S100Z: variants seen among roughly 807,000 people sequenced by gnomAD.
The protein encoded by S100Z is S100 calcium binding protein Z.
Under a neutral mutation model 8.5 loss-of-function variants are expected in S100Z, and 11 were observed. The ratio of observed to expected loss-of-function variants is 1.30; its 90% confidence interval spans 0.82 to 2.15. S100Z has a LOEUF of 2.15. Ranked by LOEUF, S100Z falls within the 30% of genes most tolerant of loss-of-function variation. The pLI is 0.00. For synonymous variants in S100Z, 34 were observed against 43.8 expected, an observed-to-expected ratio of 0.78 and a Z score of 0.89; for missense variants, 126 against 117.9, an observed-to-expected ratio of 1.07 and a Z score of -0.32.
chr5:76,897,172 G>T (rs1744065249), intron 4 of S100Z, among the ~76,000 whole-genome samples: 1 of 152,072 alleles, frequency 6.6e-6, no homozygotes, highest in Admixed American at 6.6e-5. Context: ...TTTAGGATTG[G>T]CCGGGTGCGG....
At chr5:76,939,649 A>C in the S100Z span, among the ~76,000 whole-genome samples, 33 of 150,936 alleles carry the variant, frequency 2.2e-4, no homozygotes, top group Non-Finnish European at 5.9e-5. Flanking sequence ...AGTAGCTGGG[A>C]TTACAGGCAC....
intron 4 of S100Z, among the ~76,000 whole-genome samples, chr5:76,900,575 T>A (rs1335324027): frequency 1.3e-5 from 2 of 152,194 alleles, no homozygotes; most frequent in Non-Finnish European, 2.9e-5. Flanking sequence ...TTCTGCTTGG[T>A]TCTTTTTATT....
At chr5:76,870,983 T>C (rs1363944932) in intron 2 of S100Z, among the ~76,000 whole-genome samples, 1 of 152,040 alleles carries the variant, frequency 6.6e-6, no homozygotes, top group African/African-American at 2.4e-5. Context: ...AATAAAATCC[T>C]AAGCTCCTCA....
At chr5:76,888,334 C>CTTT (rs796243926) in intron 4 of S100Z, among the ~76,000 whole-genome samples, 1 of 44,522 alleles carries the variant, frequency 2.2e-5, no homozygotes, top group Non-Finnish European at 5.0e-5. Flanking sequence ...GGGAAGTTTT[C>CTTT]TTTTTTTTTT....
intron 2 of S100Z, among the ~76,000 whole-genome samples, chr5:76,871,543 G>C (rs1201191913): frequency 4.0e-5 from 4 of 100,592 alleles, no homozygotes; most frequent in Non-Finnish European, 7.7e-5. Context: ...TTTTTTTTTA[G>C]ACAGAGTGTC....
chr5:76,941,814 G>A, the S100Z span, among the ~76,000 whole-genome samples: 1 of 152,056 alleles, frequency 6.6e-6, no homozygotes, highest in South Asian at 2.1e-4. Flanking sequence ...CTTGATGGCA[G>A]GGAATCCAGA....
At chr5:76,950,714 C>T in the S100Z span, among the ~76,000 whole-genome samples, 162 of 152,168 alleles carry the variant, frequency 1.1e-3, no homozygotes, top group African/African-American at 3.7e-3. Context: ...CTTGGGGACT[C>T]TGAGTTTTCC....
At chr5:76,869,613 A>G (rs963607789) in intron 1 of S100Z, among the ~76,000 whole-genome samples, 6 of 152,162 alleles carry the variant, frequency 3.9e-5, no homozygotes, top group African/African-American at 1.4e-4. Flanking sequence ...ATGGAGGGGC[A>G]TGGTAGAAAG....
chr5:76,926,131 T>C (rs1049604569), downstream of S100Z, among the ~76,000 whole-genome samples: 1 of 151,988 alleles, frequency 6.6e-6, no homozygotes, highest in Non-Finnish European at 1.5e-5. Context: ...TACAGGATAG[T>C]GGAGAAGCTT....
chr5:76,923,708 C>T (rs1157826616), downstream of S100Z, among the ~76,000 whole-genome samples: 1 of 152,198 alleles, frequency 6.6e-6, no homozygotes, highest in African/African-American at 2.4e-5. Context: ...CCATCATGGG[C>T]AAACCGTTTT....
intron 1 of S100Z, among the ~76,000 whole-genome samples, chr5:76,862,361 C>T (rs1751083561): frequency 6.6e-6 from 1 of 152,112 alleles, no homozygotes; most frequent in Non-Finnish European, 1.5e-5. Flanking sequence ...GCATACAGGC[C>T]ACATCCTCAC....
chr5:76,907,028 A>G (rs955152044), intron 4 of S100Z, among the ~76,000 whole-genome samples: 1 of 136,300 alleles, frequency 7.3e-6, no homozygotes, highest in South Asian at 2.5e-4. Context: ...ATATATACAT[A>G]TATATATACC....
intron 4 of S100Z, among the ~76,000 whole-genome samples, chr5:76,878,545 G>A (rs1411251523): frequency 6.6e-6 from 1 of 152,220 alleles, no homozygotes; most frequent in Non-Finnish European, 1.5e-5. Context: ...CCAACCCTGA[G>A]TTTTCTGCAT....
chr5:76,850,180 T>C (rs1360039927), intron 1 of S100Z, 25 bp downstream of exon 1: 1 of 152,198 alleles, frequency 6.6e-6, no homozygotes, highest in Non-Finnish European at 1.5e-5. Flanking sequence ...TTGTGGAAGA[T>C]TCTTGCTTTT....
At chr5:76,919,907 A>AT (rs1184233230) in intron 4 of S100Z, among the ~76,000 whole-genome samples, 5,182 of 122,200 alleles carry the variant, frequency 0.042, 224 homozygotes, top group East Asian at 0.11. Flanking sequence ...CCCAGCTTTC[A>AT]TTTTTTTTTT....
Position 76,880,514 on chromosome 5 carries a change from G to A in S100Z, c.*2+2680G>A, listed in dbSNP as rs570919872. On this transcript the variant is annotated intron_variant, in intron 4 of 4. Transcript: ENST00000317593. ...TGAGATTAAGCTGAAGGAAGATTTT[G>A]TGGTAAGGGGTGATATTGTGGGGTT... is the stretch of plus-strand genomic sequence containing the variant. Among the ~76,000 whole-genome samples, 3 of 152,324 alleles carry A rather than the reference G, an allele frequency of 2.0e-5. No homozygotes were observed. The East Asian group carries it at 5.8e-4, about 29-fold the overall frequency.
intron 1 of S100Z, among the ~76,000 whole-genome samples, chr5:76,855,234 C>T (rs1750850428): frequency 1.3e-5 from 2 of 152,194 alleles, no homozygotes; most frequent in African/African-American, 2.4e-5. Context: ...CCCGTTGGGG[C>T]ATTGCCTAGT....
chr5:76,887,957 G>C (rs1234621323), intron 4 of S100Z, among the ~76,000 whole-genome samples: 2 of 151,938 alleles, frequency 1.3e-5, no homozygotes, highest in African/African-American at 2.4e-5. Context: ...TATGTTGTAG[G>C]AGTTATTAAG....
intron 4 of S100Z, among the ~76,000 whole-genome samples, chr5:76,879,387 T>C (rs1234505459): frequency 6.6e-6 from 1 of 152,172 alleles, no homozygotes; most frequent in Non-Finnish European, 1.5e-5. Flanking sequence ...TCTGGTTCTA[T>C]TACATGCAAC....
Sources: gnomAD v4.1 joint callset for allele counts (sites outside exome capture counted in the v4.1 genomes callset) on GRCh38, gnomAD v4.1.1 for gene constraint, MANE v1.5 for transcripts, NCBI Gene and HGNC (gene_info 2026-07-23, HGNC 2026-07-21) for gene names.